Variants in YJU2B observed in about 807,000 individuals in gnomAD.
YJU2B encodes YJU2 splicing factor homolog B.
A neutral mutation model predicts 38.0 loss-of-function variants in YJU2B; 18 were observed. That is an observed-to-expected ratio of 0.47 (90% CI 0.33 to 0.70). The LOEUF (loss-of-function observed/expected upper bound fraction) is 0.70. Among genes scored for constraint, YJU2B ranks in the 30% least tolerant of loss-of-function variants. The pLI is 0.02. For missense variants in YJU2B, 538 were observed against 556.3 expected (o/e 0.97, Z 0.33); for synonymous variants, 246 against 225.4 (o/e 1.09, Z -0.82).
chr19:13,743,045 T>C (rs1268451087), upstream of YJU2B, among the ~76,000 whole-genome samples: 2 of 152,168 alleles, frequency 1.3e-5, no homozygotes, highest in Non-Finnish European at 2.9e-5. Context: ...ACTAAGGTCT[T>C]TGCAGTGATA....
At position 13,755,103 on chromosome 19, in the gene YJU2B, G is replaced by A. The variant is rs1184047284; in HGVS notation, c.57+761G>A. 1.3e-5 allele frequency among the ~76,000 whole-genome samples: 2 copies of A among 150,306 alleles called. 1 individual carries two copies. On this transcript the variant is annotated intron_variant, in intron 3 of 9. Transcript: ENST00000221554. ...TGCTTGAGCCCAGGAGGTGGAGACT[G>A]CAGTGAGTCATAATCATACCACTGC...
chr19:13,754,212 TTGAA>T, intron 2 of YJU2B, 73 bp from the exon 3 acceptor site: 1 of 1,172,208 alleles, frequency 8.5e-7, no homozygotes, highest in Non-Finnish European at 1.3e-6. Context: ...AAAAATTTTT[TTGAA>T]TGAGATTTGG....
intron 2 of YJU2B, among the ~76,000 whole-genome samples, chr19:13,739,658 G>A (rs1973043298): frequency 2.0e-5 from 3 of 152,004 alleles, no homozygotes; most frequent in Admixed American, 2.0e-4. Flanking sequence ...TCCTCTCTAG[G>A]AACCCAAAGT....
rs1013958429 is a variant in YJU2B at position 13,763,153 on chromosome 19, G to A, written c.*85G>A. The A allele has an allele frequency of 3.5e-6, 4 of 1,144,842 alleles. No homozygotes were observed. Among genetic ancestry groups the A allele is most frequent in the Non-Finnish European group, 4.9e-6 (4 of 817,168 alleles). 70.9% of individuals were successfully genotyped at this position (1,144,842 alleles called of 1,614,324 possible). A position where few individuals can be genotyped will look rare whatever the true frequency, so the allele number is the denominator to read the frequency against. On this transcript the variant is annotated 3_prime_UTR_variant, in exon 10 of 10. Coordinates refer to ENST00000221554, the MANE Select transcript of YJU2B (RefSeq NM_030818.4). ...CTCACAGACTGCAGACCCCCGGCTC[G>A]CCCACCAGCCCTGGGAGAGCTCAGA...
intron 2 of YJU2B, 79 bp downstream of exon 2, chr19:13,751,890 C>A: frequency 7.3e-7 from 1 of 1,373,610 alleles, no homozygotes; most frequent in Non-Finnish European, 1.0e-6. Context: ...CCTCCCCTCC[C>A]AGAGCTCTAA....
chr19:13,747,534 G>A (rs1973285768), upstream of YJU2B, among the ~76,000 whole-genome samples: 2 of 152,180 alleles, frequency 1.3e-5, no homozygotes, highest in Non-Finnish European at 2.9e-5. Context: ...GCAGTGGCGC[G>A]ATCTCGGCTC....
At chr19:13,761,765 C>A (rs1973897860) in intron 8 of YJU2B, among the ~76,000 whole-genome samples, 1 of 112,190 alleles carries the variant, frequency 8.9e-6, no homozygotes, top group Non-Finnish European at 1.7e-5. Context: ...CCCTTTCGCC[C>A]TGGCTGGAGT....
chr19:13,747,117 G>C (rs541701663), upstream of YJU2B, among the ~76,000 whole-genome samples: 89 of 152,262 alleles, frequency 5.8e-4, no homozygotes, highest in Non-Finnish European at 9.9e-4. Context: ...CTCTTCCCTA[G>C]TTAATAAGAT....
rs183297705 is a variant in YJU2B, at chr19:13,734,939, T to C, written c.-202+2654T>C. On this transcript the variant is annotated intron_variant, in intron 2 of 10. Transcript: ENST00000586600. ...TAAAATAGCCAGATTTTCTGGAAACTGGTTGACCCAGTTGGATTATATGAA... is the reference window on the plus strand; with the variant it reads ...TAAAATAGCCAGATTTTCTGGAAACCGGTTGACCCAGTTGGATTATATGAA... Among the ~76,000 whole-genome samples the C allele has an allele frequency of 4.0e-3, 604 of 152,316 alleles. 3 individuals are homozygous for C. The highest frequency in any genetic ancestry group is 0.014 in the African/African-American group (586 of 41,580).
At chr19:13,737,627 A>C (rs562812732) in intron 2 of YJU2B, among the ~76,000 whole-genome samples, 1 of 149,918 alleles carries the variant, frequency 6.7e-6, no homozygotes, top group Non-Finnish European at 1.5e-5. Flanking sequence ...TCTACTAAAA[A>C]TACAAAAATT....
chr19:13,742,794 C>T (rs547251780), intron 2 of YJU2B, among the ~76,000 whole-genome samples: 2 of 152,334 alleles, frequency 1.3e-5, no homozygotes, highest in African/African-American at 4.8e-5. Context: ...CCTTTTCAGT[C>T]ACTAACTCTT....
At position 13,747,902 on chromosome 19, in the gene YJU2B, T is replaced by G. The variant is rs1973304999; in HGVS notation, c.-254T>G. 6.6e-6 allele frequency: 1 copy of G among 152,212 alleles called. No individual in the cohort carries two copies. Among genetic ancestry groups the G allele is most frequent in the African/African-American group, 2.4e-5 (1 of 41,454 alleles). The allele number at this position is 152,212 out of a possible 1,614,324, so 9.4% of individuals were successfully genotyped here. On this transcript the variant is annotated 5_prime_UTR_variant, in exon 1 of 10. Coordinates refer to ENST00000221554, the MANE Select transcript of YJU2B (RefSeq NM_030818.4). The stretch of plus-strand genomic sequence containing the variant: ...GAGAGGGCGCCCAGGTTCACCGCGC[T>G]CTCAGCGCGCACTTCCGGGCACGGT...
chr19:13,756,066 G>T, intron 3 of YJU2B, 131 bp from the exon 4 acceptor site: 1 of 718,794 alleles, frequency 1.4e-6, no homozygotes, highest in Non-Finnish European at 2.5e-6. Context: ...ATGAACACCC[G>T]TCCTGCAGGA....
intron 3 of YJU2B, among the ~76,000 whole-genome samples, chr19:13,754,548 CTAGAG>C (rs1568290634): frequency 2.0e-5 from 3 of 152,078 alleles, no homozygotes; most frequent in Admixed American, 2.0e-4. Context: ...CCACACTATA[CTAGAG>C]TATAGTGTGT....
chr19:13,762,486 C>G (rs371068540), intron 9 of YJU2B, 49 bp downstream of exon 9: 2 of 1,597,068 alleles, frequency 1.3e-6, no homozygotes, highest in African/African-American at 2.7e-5. Context: ...TCAGAGTTGC[C>G]TGGAGATGGG....
chr19:13,749,725 C>T (rs754469198), intron 1 of YJU2B, among the ~76,000 whole-genome samples: 5 of 151,406 alleles, frequency 3.3e-5, no homozygotes, highest in Admixed American at 2.6e-4. Flanking sequence ...CTCCGCCTCC[C>T]GGGTTCACGC....
chr19:13,755,254 A>T (rs1161104113), intron 3 of YJU2B, among the ~76,000 whole-genome samples: 1 of 151,218 alleles, frequency 6.6e-6, no homozygotes, highest in Non-Finnish European at 1.5e-5. Context: ...CCAGGTCGAG[A>T]GTTTAAGACC....
At chr19:13,757,381 T>TGGACAA in intron 4 of YJU2B, 37 bp from the exon 5 acceptor site, 3 of 1,599,872 alleles carry the variant, frequency 1.9e-6, no homozygotes, top group Non-Finnish European at 1.7e-6. Context: ...AGTGTCCAAG[T>TGGACAA]GGACAAGTGC....
At position 13,751,725 on chromosome 19, in the gene YJU2B, A is replaced by C; in HGVS notation, c.-84A>C. ...TGTGGACCCTCTGCCAGGCTCCACA[A>C]GAGGTCAGGACAGTGCAGTGTGTTC... On this transcript the variant is annotated 5_prime_UTR_variant, in exon 2 of 10. Transcript: ENST00000221554. 2 of 1,451,496 alleles carry C rather than the reference A, an allele frequency of 1.4e-6. No homozygotes were observed. The highest frequency in any genetic ancestry group is 1.9e-6 in the Non-Finnish European group (2 of 1,035,590). 89.9% of individuals were successfully genotyped at this position (1,451,496 alleles called of 1,614,324 possible). A position where few individuals can be genotyped will look rare whatever the true frequency, so the allele number is the denominator to read the frequency against.
Sources: gnomAD v4.1 joint callset for allele counts (sites outside exome capture counted in the v4.1 genomes callset) on GRCh38, gnomAD v4.1.1 for gene constraint, MANE v1.5 for transcripts, NCBI Gene and HGNC (gene_info 2026-07-23, HGNC 2026-07-21) for gene names.